The following FGD4 variants were observed in gnomAD, a reference collection of about 807,000 sequenced individuals.
FGD4 encodes the protein FYVE, RhoGEF and PH domain containing 4.
Under a neutral mutation model 102.0 loss-of-function variants are expected in FGD4, and 42 were observed. That is an observed-to-expected ratio of 0.41 (90% CI 0.32 to 0.53). FGD4 has a LOEUF of 0.53. FGD4 is among the 20% of genes least tolerant of loss of function. The pLI is 0.21. For missense variants in FGD4, 902 were observed against 1,078.2 expected, an observed-to-expected ratio of 0.84 and a Z score of 2.29; for synonymous variants, 380 against 375.7, an observed-to-expected ratio of 1.01 and a Z score of -0.13.
intron 1 of FGD4, among the ~76,000 whole-genome samples, chr12:32,485,004 T>G (rs1226600693): frequency 1.3e-5 from 2 of 152,350 alleles, no homozygotes; most frequent in East Asian, 3.9e-4. Flanking sequence ...TATGCTCAAG[T>G]GATCCTCCTG....
chr12:32,453,245 T>A (rs1197731857), intron 1 of FGD4, among the ~76,000 whole-genome samples: 30 of 122,244 alleles, frequency 2.5e-4, no homozygotes, highest in Non-Finnish European at 4.7e-4. Flanking sequence ...ATATTTTTTT[T>A]TTTTTAAATG....
chr12:32,521,307 C>CTTGAACCA (rs1940522188), intron 1 of FGD4, among the ~76,000 whole-genome samples: 1 of 140,744 alleles, frequency 7.1e-6, no homozygotes, highest in Admixed American at 8.0e-5. Context: ...ACCAGGGAAT[C>CTTGAACCA]GGAGGTTACA....
intron 1 of FGD4, among the ~76,000 whole-genome samples, chr12:32,408,477 A>AT (rs1391007214): frequency 6.6e-6 from 1 of 151,996 alleles, no homozygotes; most frequent in Non-Finnish European, 1.5e-5. Flanking sequence ...TAATTTTTGT[A>AT]TTTTTAATAG....
At chr12:32,593,167 TAATG>T (rs1222556078) in intron 4 of FGD4, among the ~76,000 whole-genome samples, 1 of 152,212 alleles carries the variant, frequency 6.6e-6, no homozygotes, top group Non-Finnish European at 1.5e-5. Flanking sequence ...ATAGAAATAA[TAATG>T]GTATTTATTG....
chr12:32,422,061 G>A (rs1023039565), intron 1 of FGD4, among the ~76,000 whole-genome samples: 3 of 150,500 alleles, frequency 2.0e-5, no homozygotes, highest in Non-Finnish European at 3.0e-5. Flanking sequence ...GGAGAATGGC[G>A]TGAACCCGGG....
In FGD4 at chr12:32,594,236, G is replaced by A. The variant is rs60954385; in HGVS notation, c.1012-4261G>A. Among the ~76,000 whole-genome samples, 817 of 152,192 alleles carry A rather than the reference G, an allele frequency of 5.4e-3. 7 individuals carry two copies. Among genetic ancestry groups the A allele is most frequent in the African/African-American group, 0.018 (754 of 41,520 alleles). ...TACAGGCTTGCTCCCCATCACTCACGTTACCATCTGAGCTCCACCTCCTGT... is the reference window on the plus strand; with the variant it reads ...TACAGGCTTGCTCCCCATCACTCACATTACCATCTGAGCTCCACCTCCTGT... On this transcript the variant is annotated intron_variant, in intron 4 of 16. Transcript: ENST00000534526.
Position 32,625,787 on chromosome 12 carries a change from A to T in FGD4, c.2172+8A>T, listed in dbSNP as rs761674021. On this transcript the variant is annotated splice_region_variant and intron_variant, in intron 14 of 16. Transcript: ENST00000534526. ...TGTCGAGCATGTGGATATGTAAGTG[A>T]GATTTCTTGATCATTAAGGTTGCTA... The T allele has an allele frequency of 3.7e-6, 6 of 1,613,920 alleles. No homozygotes were observed. In the Admixed American group the frequency reaches 1.0e-4, roughly 27 times the overall value.
At chr12:32,560,467 C>T (rs1261759853) in intron 1 of FGD4, among the ~76,000 whole-genome samples, 1 of 152,070 alleles carries the variant, frequency 6.6e-6, no homozygotes, top group African/African-American at 2.4e-5. Context: ...TGGCTGCCTA[C>T]CTGGTCTCAA....
At chr12:32,412,427 C>G (rs1441419189) in intron 1 of FGD4, among the ~76,000 whole-genome samples, 1 of 152,154 alleles carries the variant, frequency 6.6e-6, no homozygotes, top group Non-Finnish European at 1.5e-5. Context: ...TACTCATTAT[C>G]TCAGGAGGCT....
chr12:32,599,561 TTTTGG>T (rs1948219217), intron 5 of FGD4, among the ~76,000 whole-genome samples: 1 of 77,178 alleles, frequency 1.3e-5, no homozygotes, highest in African/African-American at 7.9e-5. Flanking sequence ...TTTTTTTTTT[TTTTGG>T]AGATGGAGTC....
rs1448298656 is a variant in FGD4 at position 32,624,691 on chromosome 12, C to T, written c.1953+239C>T. 3 of 667,394 alleles carry T rather than the reference C, an allele frequency of 4.5e-6. No individual in the cohort carries two copies. The Admixed American group carries it at 6.3e-5, about 14-fold the overall frequency. 41.3% of individuals were successfully genotyped at this position (667,394 alleles called of 1,614,324 possible). ...GTTTTGCCATGCTGCCCAGGCTGAT[C>T]TCGAACTCCTGAGCTCAAGCGATCT... On this transcript the variant is annotated intron_variant, in intron 12 of 16. Transcript: ENST00000534526.
At position 32,466,538 on chromosome 12, in the gene FGD4, A is replaced by T. The variant is rs570623166; in HGVS notation, c.166+66579A>T. ...GCTTTGCTCAAAGCTCACTGATTTA[A>T]TGTTATCCAAAATACCTTCCAACTT... On this transcript the variant is annotated intron_variant, in intron 1 of 16. Transcript: ENST00000534526. Among the ~76,000 whole-genome samples the T allele has an allele frequency of 3.3e-5, 5 of 152,146 alleles. No individual in the cohort carries two copies. The South Asian group carries it at 1.0e-3, about 32-fold the overall frequency.
chr12:32,636,307 G>A (rs894704170), intron 15 of FGD4, among the ~76,000 whole-genome samples: 8 of 152,098 alleles, frequency 5.3e-5, no homozygotes, highest in Admixed American at 5.2e-4. Context: ...GCTGAGGTGG[G>A]TGGATCACCC....
chr12:32,414,014 C>G (rs1479049566), intron 1 of FGD4, among the ~76,000 whole-genome samples: 2 of 150,360 alleles, frequency 1.3e-5, no homozygotes, highest in Non-Finnish European at 3.0e-5. Context: ...GTTCTGTCAC[C>G]AGGCTGGAGT....
intron 4 of FGD4, among the ~76,000 whole-genome samples, chr12:32,595,029 TAAAAA>T (rs58538152): frequency 7.5e-6 from 1 of 133,440 alleles, no homozygotes; most frequent in African/African-American, 2.7e-5. Flanking sequence ...AGACTCCGTC[TAAAAA>T]AAAAAAAAAA....
chr12:32,615,254 A>G (rs1322620042), intron 10 of FGD4, among the ~76,000 whole-genome samples: 2 of 152,326 alleles, frequency 1.3e-5, no homozygotes, highest in East Asian at 3.9e-4. Context: ...TTTATATGAA[A>G]TGTCCAGAAA....
At chr12:32,609,575 C>A (rs1949013878) in intron 8 of FGD4, among the ~76,000 whole-genome samples, 1 of 152,066 alleles carries the variant, frequency 6.6e-6, no homozygotes, top group African/African-American at 2.4e-5. Flanking sequence ...ACTTTGGTAT[C>A]CCCTTAGATG....
intron 7 of FGD4, among the ~76,000 whole-genome samples, chr12:32,607,694 T>C (rs1464609378): frequency 1.3e-5 from 2 of 152,192 alleles, no homozygotes; most frequent in East Asian, 3.9e-4. Flanking sequence ...TTTGTATTTT[T>C]AGTAGAGGCG....
intron 1 of FGD4, among the ~76,000 whole-genome samples, chr12:32,561,207 C>T (rs1028475058): frequency 2.0e-5 from 3 of 150,818 alleles, no homozygotes; most frequent in African/African-American, 7.3e-5. Context: ...CTGTCTCACC[C>T]TCCTGAGTAG....
Sources: allele counts gnomAD v4.1 joint callset (sites outside exome capture counted in the v4.1 genomes callset), GRCh38; gene constraint gnomAD v4.1.1; transcripts MANE v1.5; gene names NCBI Gene and HGNC (gene_info 2026-07-23, HGNC 2026-07-21).